Variants in CSMD1 observed in about 807,000 individuals in gnomAD.
CSMD1 encodes the protein CUB and sushi domain-containing protein 1.
In CSMD1, 213 loss-of-function variants were observed where a neutral mutation model predicts 417.5. That is an observed-to-expected ratio of 0.51 (90% CI 0.46 to 0.57). The LOEUF is 0.57. Among genes scored for constraint, CSMD1 ranks in the 20% least tolerant of loss-of-function variants. The pLI, the probability that CSMD1 is intolerant of heterozygous loss-of-function variation, is 0.00. For missense variants in CSMD1, 6,923 were observed against 4,529.7 expected, an observed-to-expected ratio of 1.53 and a Z score of -15.17; for synonymous variants, 2,862 against 1,736.8, an observed-to-expected ratio of 1.65 and a Z score of -16.11.
chr8:4,153,012 T>C (rs934238269), intron 3 of CSMD1, among the ~76,000 whole-genome samples: 4 of 152,244 alleles, frequency 2.6e-5, no homozygotes, highest in Non-Finnish European at 5.9e-5. Context: ...AGCAAGTGCA[T>C]ACCATTTATT....
At chr8:3,038,098 T>C (rs1404172908) in intron 50 of CSMD1, among the ~76,000 whole-genome samples, 1 of 150,608 alleles carries the variant, frequency 6.6e-6, no homozygotes, top group Non-Finnish European at 1.5e-5. Flanking sequence ...TCCTGGAATA[T>C]TTAAATAACT....
At chr8:4,529,496 T>G (rs1230370328) in intron 2 of CSMD1, among the ~76,000 whole-genome samples, 1 of 152,198 alleles carries the variant, frequency 6.6e-6, no homozygotes, top group Non-Finnish European at 1.5e-5. Context: ...TAACTATTAT[T>G]TAATTATGAA....
intron 3 of CSMD1, among the ~76,000 whole-genome samples, chr8:4,350,362 G>C (rs747256074): frequency 7.2e-5 from 11 of 152,140 alleles, no homozygotes; most frequent in Non-Finnish European, 1.3e-4. Flanking sequence ...AAGAAATGGA[G>C]AAAAATCAAA....
chr8:3,869,171 T>C (rs1174619410), intron 5 of CSMD1, among the ~76,000 whole-genome samples: 1 of 152,188 alleles, frequency 6.6e-6, no homozygotes, highest in Admixed American at 6.5e-5. Context: ...AATACACAGA[T>C]GTGCTGCACC....
chr8:4,980,466 G>C (rs1175003519), intron 1 of CSMD1, among the ~76,000 whole-genome samples: 4 of 152,344 alleles, frequency 2.6e-5, no homozygotes, highest in African/African-American at 7.2e-5. Context: ...CAAGAGGCCT[G>C]TGGGCCTCCT....
intron 7 of CSMD1, among the ~76,000 whole-genome samples, chr8:3,656,509 C>A (rs1430084978): frequency 6.6e-6 from 1 of 152,164 alleles, no homozygotes; most frequent in Non-Finnish European, 1.5e-5. Context: ...ATAGTGCAGT[C>A]CTCAGTCTTC....
At chr8:3,139,921 T>C (rs1818330028) in intron 41 of CSMD1, among the ~76,000 whole-genome samples, 1 of 111,740 alleles carries the variant, frequency 8.9e-6, no homozygotes, top group Non-Finnish European at 2.1e-5. Context: ...TTTTTTTTTT[T>C]AGATGGAGTC....
At chr8:4,174,233 A>G (rs1367787587) in intron 3 of CSMD1, among the ~76,000 whole-genome samples, 1 of 152,170 alleles carries the variant, frequency 6.6e-6, no homozygotes, top group African/African-American at 2.4e-5. Flanking sequence ...CCGTCTTGAA[A>G]GCAAAGCGCT....
intron 2 of CSMD1, among the ~76,000 whole-genome samples, chr8:4,619,053 C>T (rs1801630706): frequency 6.6e-6 from 1 of 152,106 alleles, no homozygotes; most frequent in South Asian, 2.1e-4. Flanking sequence ...TCTGCTCAAG[C>T]ATTTTTTCCC....
intron 2 of CSMD1, among the ~76,000 whole-genome samples, chr8:4,571,118 A>C (rs1015796376): frequency 2.6e-5 from 4 of 152,116 alleles, no homozygotes; most frequent in Non-Finnish European, 5.9e-5. Context: ...GAGGTTTTGA[A>C]GGGATTTTCA....
chr8:3,159,402 G>A (rs1221885910), intron 38 of CSMD1, among the ~76,000 whole-genome samples: 1 of 152,160 alleles, frequency 6.6e-6, no homozygotes. Flanking sequence ...AACAAGTTGA[G>A]AGAAGATGGA....
At chr8:3,264,455 G>T (rs542067250) in intron 26 of CSMD1, among the ~76,000 whole-genome samples, 4 of 152,262 alleles carry the variant, frequency 2.6e-5, no homozygotes, top group Admixed American at 2.6e-4. Context: ...ATTTCTGTCA[G>T]TTTGAATCGA....
chr8:4,137,115 G>C (rs866016907), intron 3 of CSMD1, among the ~76,000 whole-genome samples: 3 of 152,178 alleles, frequency 2.0e-5, no homozygotes, highest in Non-Finnish European at 4.4e-5. Context: ...TTTTCAAAAT[G>C]TGGAACAGAG....
intron 3 of CSMD1, among the ~76,000 whole-genome samples, chr8:4,132,497 T>C (rs1803172345): frequency 6.6e-6 from 1 of 152,182 alleles, no homozygotes; most frequent in African/African-American, 2.4e-5. Flanking sequence ...GTATAATACA[T>C]TTTATTAGGC....
intron 37 of CSMD1, among the ~76,000 whole-genome samples, chr8:3,175,579 T>C (rs1335934926): frequency 1.4e-5 from 2 of 147,742 alleles, no homozygotes; most frequent in Non-Finnish European, 3.0e-5. Context: ...CTTCCTTCCT[T>C]CCTTTTTGTC....
At chr8:4,090,600 G>A (rs1165386368) in intron 3 of CSMD1, among the ~76,000 whole-genome samples, 1 of 152,166 alleles carries the variant, frequency 6.6e-6, no homozygotes, top group Non-Finnish European at 1.5e-5. Flanking sequence ...ACCTTCAAGT[G>A]TGATACACGA....
At chr8:4,074,337 C>G (rs73188000) in intron 3 of CSMD1, among the ~76,000 whole-genome samples, 16,995 of 151,970 alleles carry the variant, frequency 0.11, 1,081 homozygotes, top group Middle Eastern at 0.18. Flanking sequence ...TATTTGGCAT[C>G]TGAATGTAAA....
chr8:4,561,270 A>G (rs1486512918), intron 2 of CSMD1, among the ~76,000 whole-genome samples: 1 of 152,204 alleles, frequency 6.6e-6, no homozygotes, highest in Admixed American at 6.5e-5. Flanking sequence ...GCTACCTGGG[A>G]GGCTGAGGCA....
chr8:3,722,608 G>A (rs1029435992), intron 6 of CSMD1, among the ~76,000 whole-genome samples: 11 of 152,078 alleles, frequency 7.2e-5, no homozygotes, highest in African/African-American at 2.7e-4. Flanking sequence ...GACCCTGGTG[G>A]GAAAAGTCCC....
Sources: gnomAD v4.1 joint callset for allele counts (sites outside exome capture counted in the v4.1 genomes callset) on GRCh38, gnomAD v4.1.1 for gene constraint, MANE v1.5 for transcripts, NCBI Gene and HGNC (gene_info 2026-07-23, HGNC 2026-07-21) for gene names.